CSMD3: variants seen among roughly 807,000 people sequenced by gnomAD.
CSMD3 encodes the protein CUB and sushi domain-containing protein 3.
CSMD3 carries 177 observed loss-of-function variants against 435.2 expected under a neutral mutation model. The ratio of observed to expected loss-of-function variants is 0.41; its 90% CI spans 0.36 to 0.46. The LOEUF (loss-of-function observed/expected upper bound fraction) is 0.46. Ranked by LOEUF, CSMD3 falls within the 20% of genes least tolerant of loss-of-function variation. The probability of loss-of-function intolerance (pLI) is 0.34; values close to 1 mark genes in which losing one functional copy is unlikely to be tolerated. For synonymous variants in CSMD3, 1,656 were observed against 1,520.5 expected (o/e 1.09, Z -2.07); for missense variants, 4,265 against 4,504.6 (o/e 0.95, Z 1.52).
At chr8:113,241,491 G>GA (rs1416632488) in intron 3 of CSMD3, among the ~76,000 whole-genome samples, 3 of 150,512 alleles carry the variant, frequency 2.0e-5, no homozygotes, top group Non-Finnish European at 3.0e-5. Flanking sequence ...TAAATGTTCA[G>GA]AAAAAAACAT....
chr8:113,364,760 G>A (rs111389221), intron 1 of CSMD3, among the ~76,000 whole-genome samples: 3 of 151,954 alleles, frequency 2.0e-5, no homozygotes, highest in South Asian at 2.1e-4. Context: ...TTGTGGCTGC[G>A]TTACTCATTC....
chr8:112,975,685 G>T, intron 7 of CSMD3, 152 bp downstream of exon 7: 24 of 1,113,276 alleles, frequency 2.2e-5, no homozygotes, highest in South Asian at 9.5e-5. Context: ...TCCAGTTTTG[G>T]TTGTTACTAT....
At chr8:113,383,222 A>G (rs927130123) in intron 1 of CSMD3, among the ~76,000 whole-genome samples, 1 of 152,132 alleles carries the variant, frequency 6.6e-6, no homozygotes, top group Admixed American at 6.5e-5. Flanking sequence ...AGGAAAGTTG[A>G]TGCATAAAAG....
intron 61 of CSMD3, among the ~76,000 whole-genome samples, chr8:112,258,040 C>A (rs570365983): frequency 6.6e-6 from 1 of 152,298 alleles, no homozygotes; most frequent in African/African-American, 2.4e-5. Context: ...AAAGGATTCG[C>A]TATTTAATAA....
At position 113,332,150 on chromosome 8, in the gene CSMD3, T is replaced by A. The variant is rs1028393904; in HGVS notation, c.179-17357A>T. On this transcript the variant is annotated intron_variant, in intron 1 of 70. Transcript: ENST00000297405. ...AAATTTACACTATACTATAATCTAT[T>A]AAGTGTGCAATAGCATTTAGTCTAA... Among the ~76,000 whole-genome samples the A allele has an allele frequency of 7.3e-5, 11 of 151,652 alleles. No homozygotes were observed. In the East Asian group the frequency reaches 2.1e-3, roughly 29 times the overall value.
intron 39 of CSMD3, among the ~76,000 whole-genome samples, chr8:112,351,946 G>T (rs1826175732): frequency 6.6e-6 from 1 of 151,816 alleles, no homozygotes. Flanking sequence ...AATATACATT[G>T]CAAATCCAGT....
At chr8:112,809,511 T>C (rs1275341314) in intron 12 of CSMD3, among the ~76,000 whole-genome samples, 1 of 152,204 alleles carries the variant, frequency 6.6e-6, no homozygotes, top group Non-Finnish European at 1.5e-5. Context: ...CTTATGCTCA[T>C]AGACTGCTTT....
At chr8:113,153,992 A>C (rs1187433004) in intron 4 of CSMD3, among the ~76,000 whole-genome samples, 1 of 152,062 alleles carries the variant, frequency 6.6e-6, no homozygotes, top group Non-Finnish European at 1.5e-5. Context: ...TATCAATTTC[A>C]AAATAAGATT....
At chr8:112,794,775 T>C (rs967384808) in intron 13 of CSMD3, among the ~76,000 whole-genome samples, 8 of 152,166 alleles carry the variant, frequency 5.3e-5, no homozygotes, top group African/African-American at 1.9e-4. Context: ...AGAAAAAAAT[T>C]ACCCCCTTGA....
intron 3 of CSMD3, among the ~76,000 whole-genome samples, chr8:113,178,121 T>C (rs1368014881): frequency 6.6e-6 from 1 of 151,972 alleles, no homozygotes; most frequent in Non-Finnish European, 1.5e-5. Flanking sequence ...CCTTCTGAGT[T>C]AACAGTTTGA....
At chr8:113,222,199 T>C (rs1267789298) in intron 3 of CSMD3, among the ~76,000 whole-genome samples, 4 of 151,320 alleles carry the variant, frequency 2.6e-5, no homozygotes, top group Admixed American at 2.0e-4. Context: ...TTTTCTATAA[T>C]GTTTTATTAA....
intron 22 of CSMD3, among the ~76,000 whole-genome samples, chr8:112,635,358 G>A (rs1225488613): frequency 6.6e-6 from 1 of 151,988 alleles, no homozygotes; most frequent in East Asian, 1.9e-4. Flanking sequence ...ATATCAAATG[G>A]TCAGGCACTC....
intron 61 of CSMD3, among the ~76,000 whole-genome samples, chr8:112,260,338 C>G (rs1029910428): frequency 2.0e-5 from 3 of 152,132 alleles, no homozygotes; most frequent in African/African-American, 7.2e-5. Flanking sequence ...CAGAGTAACA[C>G]TGTGCCCTTG....
At chr8:113,390,626 A>T (rs2094457563) in intron 1 of CSMD3, among the ~76,000 whole-genome samples, 1 of 151,878 alleles carries the variant, frequency 6.6e-6, no homozygotes, top group Admixed American at 6.6e-5. Flanking sequence ...AGTAAAATCA[A>T]TAGATTAACA....
chr8:112,874,242 C>T (rs1382491071), intron 10 of CSMD3, among the ~76,000 whole-genome samples: 1 of 151,974 alleles, frequency 6.6e-6, no homozygotes, highest in Non-Finnish European at 1.5e-5. Flanking sequence ...TTAATCCCGA[C>T]TTCTAATTTG....
At chr8:112,329,164 C>T (rs1324765877) in intron 45 of CSMD3, among the ~76,000 whole-genome samples, 3 of 152,088 alleles carry the variant, frequency 2.0e-5, no homozygotes, top group African/African-American at 7.2e-5. Context: ...GTGCCAAAGA[C>T]CTCTTCTCTA....
intron 5 of CSMD3, among the ~76,000 whole-genome samples, chr8:113,049,344 A>G (rs1401338398): frequency 1.3e-5 from 2 of 152,000 alleles, no homozygotes; most frequent in Non-Finnish European, 2.9e-5. Context: ...CCAGGGGCCC[A>G]TATCCTAGAC....
At chr8:112,872,851 T>G (rs1437522394) in intron 10 of CSMD3, among the ~76,000 whole-genome samples, 1 of 151,916 alleles carries the variant, frequency 6.6e-6, no homozygotes, top group Non-Finnish European at 1.5e-5. Flanking sequence ...TATGCACAAT[T>G]TATATAGAAA....
At chr8:112,876,634 G>A (rs558924557) in intron 10 of CSMD3, among the ~76,000 whole-genome samples, 42 of 152,018 alleles carry the variant, frequency 2.8e-4, no homozygotes, top group Middle Eastern at 3.4e-3. Flanking sequence ...ATTCAACAGC[G>A]CTTCATGCTA....
Sources: gnomAD v4.1 joint callset for allele counts (sites outside exome capture counted in the v4.1 genomes callset) on GRCh38, gnomAD v4.1.1 for gene constraint, MANE v1.5 for transcripts, NCBI Gene and HGNC (gene_info 2026-07-23, HGNC 2026-07-21) for gene names.